CPED1: variants seen among roughly 807,000 people sequenced by gnomAD.
The protein encoded by CPED1 is cadherin like and PC-esterase domain containing 1.
In CPED1, 114 loss-of-function variants were observed where a neutral mutation model predicts 128.2. That is an observed-to-expected ratio of 0.89 (90% CI 0.76 to 1.04). The LOEUF (loss-of-function observed/expected upper bound fraction) is 1.04. Ranked by LOEUF, CPED1 falls within the 50% of genes least tolerant of loss-of-function variation. The pLI is 0.00. For synonymous variants in CPED1, 462 were observed against 426.7 expected (o/e 1.08, Z -1.02); for missense variants, 1,211 against 1,207.1 (o/e 1.00, Z -0.05).
chr7:121,048,342 C>A (rs932822716), intron 4 of CPED1, among the ~76,000 whole-genome samples: 6 of 152,158 alleles, frequency 3.9e-5, no homozygotes, highest in Non-Finnish European at 7.3e-5. Flanking sequence ...GAAGCTTCAG[C>A]GCTTCTGTTT....
chr7:121,087,086 A>C (rs1794442296), intron 5 of CPED1, among the ~76,000 whole-genome samples: 1 of 151,900 alleles, frequency 6.6e-6, no homozygotes, highest in Admixed American at 6.6e-5. Context: ...AAATTAAAAC[A>C]CTCAATCCCC....
chr7:121,148,670 G>A (rs1182624336), intron 16 of CPED1, among the ~76,000 whole-genome samples: 1 of 152,126 alleles, frequency 6.6e-6, no homozygotes, highest in Non-Finnish European at 1.5e-5. Flanking sequence ...GAGATGAGAA[G>A]AATTGATTGG....
At chr7:120,992,559 T>C (rs1796325969) in intron 2 of CPED1, among the ~76,000 whole-genome samples, 1 of 152,194 alleles carries the variant, frequency 6.6e-6, no homozygotes, top group Non-Finnish European at 1.5e-5. Flanking sequence ...TTAAACTAAC[T>C]GCCCCTCCAG....
intron 5 of CPED1, among the ~76,000 whole-genome samples, chr7:121,090,817 C>T (rs1296404874): frequency 3.3e-5 from 5 of 151,910 alleles, no homozygotes; most frequent in Admixed American, 6.6e-5. Context: ...GGCATGGTGG[C>T]GGTTGCCTAT....
At chr7:121,062,151 A>G (rs1388985588) in intron 4 of CPED1, among the ~76,000 whole-genome samples, 1 of 152,172 alleles carries the variant, frequency 6.6e-6, no homozygotes, top group Non-Finnish European at 1.5e-5. Flanking sequence ...TGGTTAAGAG[A>G]AGGTTAGCAA....
intron 22 of CPED1, among the ~76,000 whole-genome samples, chr7:121,281,910 T>A (rs1486686563): frequency 1.3e-5 from 2 of 152,162 alleles, no homozygotes; most frequent in Non-Finnish European, 2.9e-5. Flanking sequence ...CACTATCTCT[T>A]CCTACTTTAA....
intron 15 of CPED1, 37 bp from the exon 16 acceptor site, chr7:121,141,936 A>C: frequency 4.8e-5 from 73 of 1,519,568 alleles, no homozygotes; most frequent in Non-Finnish European, 5.7e-5. Context: ...AATCTCCCCT[A>C]TTCATATTCT....
At chr7:121,072,908 G>A (rs1794030245) in intron 5 of CPED1, among the ~76,000 whole-genome samples, 1 of 152,048 alleles carries the variant, frequency 6.6e-6, no homozygotes, top group Non-Finnish European at 1.5e-5. Context: ...TACCTAATTG[G>A]CTAAGATAGA....
intron 2 of CPED1, among the ~76,000 whole-genome samples, chr7:121,011,644 A>G (rs1040012068): frequency 6.6e-6 from 1 of 152,222 alleles, no homozygotes; most frequent in Non-Finnish European, 1.5e-5. Context: ...GCTTTCATTT[A>G]GCTTCCATCC....
At chr7:121,175,540 G>A (rs918329950) in intron 16 of CPED1, among the ~76,000 whole-genome samples, 9 of 152,024 alleles carry the variant, frequency 5.9e-5, no homozygotes, top group Non-Finnish European at 1.3e-4. Context: ...ATAGTGGATG[G>A]ATTGGCTTTC....
intron 3 of CPED1, among the ~76,000 whole-genome samples, chr7:121,024,994 C>A (rs4730985): frequency 0.79 from 120,458 of 152,036 alleles, 48,045 homozygotes; most frequent in East Asian, 0.94. Context: ...ATTTGGGAGG[C>A]GTTTGGGAGC....
chr7:121,154,585 T>G (rs1796239976), intron 16 of CPED1, among the ~76,000 whole-genome samples: 2 of 152,078 alleles, frequency 1.3e-5, no homozygotes, highest in African/African-American at 2.4e-5. Context: ...CTCACTCTGT[T>G]GCCAGGCTGT....
rs117937291 is a variant in CPED1 at position 121,245,212 on chromosome 7, G to A, written c.2310+874G>A. Among the ~76,000 whole-genome samples, 512 of 152,316 alleles carry A rather than the reference G, an allele frequency of 3.4e-3. 4 individuals are homozygous for A. The highest frequency in any genetic ancestry group is 5.7e-3 in the Non-Finnish European group (389 of 68,036). ...TAGTTAAAGAAGAATAACAGGAGCTGAGGGGCAGGACAGAAAGATGGACAT... is the reference window on the plus strand; with the variant it reads ...TAGTTAAAGAAGAATAACAGGAGCTAAGGGGCAGGACAGAAAGATGGACAT... On this transcript the variant is annotated intron_variant, in intron 18 of 22. Transcript: ENST00000310396.
intron 7 of CPED1, among the ~76,000 whole-genome samples, chr7:121,104,435 G>A (rs148880674): frequency 6.6e-5 from 10 of 152,158 alleles, no homozygotes; most frequent in South Asian, 2.1e-4. Context: ...CCCTTCATCC[G>A]TTGTAAATCA....
intron 7 of CPED1, among the ~76,000 whole-genome samples, chr7:121,111,345 A>C (rs10230185): frequency 0.1 from 15,287 of 152,230 alleles, 1,271 homozygotes; most frequent in African/African-American, 0.22. Flanking sequence ...TTCTAAATGA[A>C]TAGAAGAATA....
At chr7:121,286,063 C>A (rs572069701) in intron 22 of CPED1, among the ~76,000 whole-genome samples, 1 of 152,290 alleles carries the variant, frequency 6.6e-6, no homozygotes, top group East Asian at 1.9e-4. Context: ...ACTTAACAAT[C>A]ATAGTGGAAA....
rs140559937 is a variant in CPED1, at chr7:121,120,239, G to A, written c.919-4092G>A. 6.7e-3 allele frequency among the ~76,000 whole-genome samples: 1,015 copies of A among 152,198 alleles called. 10 individuals carry two copies. The highest frequency in any genetic ancestry group is 0.023 in the African/African-American group (942 of 41,522). ...GGAACCACCAAATTGCTATTCAAGT[G>A]GCTGCACCATGTTACTTTTCCACCA... On this transcript the variant is annotated intron_variant, in intron 7 of 22. Coordinates refer to ENST00000310396, the MANE Select transcript of CPED1 (RefSeq NM_024913.5).
In CPED1 at chr7:120,989,411, A is replaced by C; in HGVS notation, c.-211A>C. On this transcript the variant is annotated 5_prime_UTR_variant, in exon 2 of 23. Transcript: ENST00000310396. ...CTCAGGTCATCCACTTTTGACTGTC[A>C]TCCATGGAAGAGCTCTTATTAAAAG... 1 of 568,362 alleles carries C rather than the reference A, an allele frequency of 1.8e-6. No individual in the cohort carries two copies. 35.2% of individuals were successfully genotyped at this position (568,362 alleles called of 1,614,324 possible). A position where few individuals can be genotyped will look rare whatever the true frequency, so the allele number is the denominator to read the frequency against.
chr7:121,290,878 A>T (rs1335278733), intron 22 of CPED1, among the ~76,000 whole-genome samples: 1 of 152,178 alleles, frequency 6.6e-6, no homozygotes, highest in Non-Finnish European at 1.5e-5. Flanking sequence ...GTCTTTGCCC[A>T]TGCCTATGTC....
Sources: gnomAD v4.1 joint callset for allele counts (sites outside exome capture counted in the v4.1 genomes callset) on GRCh38, gnomAD v4.1.1 for gene constraint, MANE v1.5 for transcripts, NCBI Gene and HGNC (gene_info 2026-07-23, HGNC 2026-07-21) for gene names.